Variants in ESRRG observed in about 807,000 individuals in gnomAD.
ESRRG encodes estrogen-related receptor gamma.
ESRRG carries 13 observed loss-of-function variants against 44.0 expected under a neutral mutation model. That is an observed-to-expected ratio of 0.30 (90% CI 0.19 to 0.47). The LOEUF (loss-of-function observed/expected upper bound fraction) is 0.47, where lower values mean the gene tolerates loss of function less well. ESRRG is among the 20% of genes least tolerant of loss of function. The pLI is 1.00. For synonymous variants in ESRRG, 215 were observed against 214.6 expected (o/e 1.00, Z -0.02); for missense variants, 395 against 580.6 (o/e 0.68, Z 3.29).
intron 5 of ESRRG, among the ~76,000 whole-genome samples, chr1:216,540,509 C>G (rs2052384455): frequency 6.6e-6 from 1 of 151,964 alleles, no homozygotes; most frequent in Admixed American, 6.6e-5. Context: ...AGCAACTTCT[C>G]TATATCAGTC....
intron 1 of ESRRG, among the ~76,000 whole-genome samples, chr1:217,131,316 T>G (rs1173732813): frequency 6.6e-6 from 1 of 150,964 alleles, no homozygotes; most frequent in Non-Finnish European, 1.5e-5. Flanking sequence ...TGACCAGGTT[T>G]ATTCCAAATA....
At chr1:216,728,508 G>A (rs181627779) in intron 2 of ESRRG, among the ~76,000 whole-genome samples, 21 of 151,968 alleles carry the variant, frequency 1.4e-4, no homozygotes, top group African/African-American at 4.8e-4. Context: ...GGAAGGTGGC[G>A]GGGGCGGGTA....
chr1:216,769,116 C>T (rs905963926), intron 2 of ESRRG, among the ~76,000 whole-genome samples: 1 of 151,818 alleles, frequency 6.6e-6, no homozygotes, highest in African/African-American at 2.4e-5. Flanking sequence ...CCTCAGAAGC[C>T]AGCTTAGGAT....
chr1:217,086,860 A>C (rs2092111202), intron 1 of ESRRG, among the ~76,000 whole-genome samples: 1 of 152,346 alleles, frequency 6.6e-6, no homozygotes, highest in Non-Finnish European at 1.5e-5. Context: ...TCTGTAAGGC[A>C]TACTTTAACC....
At chr1:216,585,972 G>A (rs949207226) in intron 3 of ESRRG, among the ~76,000 whole-genome samples, 4 of 151,972 alleles carry the variant, frequency 2.6e-5, no homozygotes, top group Non-Finnish European at 4.4e-5. Context: ...CCCGGGAGGC[G>A]GAGCTTGCAG....
chr1:216,593,605 C>T (rs532517903), intron 3 of ESRRG, among the ~76,000 whole-genome samples: 1 of 152,334 alleles, frequency 6.6e-6, no homozygotes, highest in Admixed American at 6.5e-5. Context: ...CTCTACACTT[C>T]TGTAAAGTTT....
chr1:216,761,393 A>G (rs2152342834), intron 2 of ESRRG, among the ~76,000 whole-genome samples: 1 of 152,270 alleles, frequency 6.6e-6, no homozygotes, highest in South Asian at 2.1e-4. Flanking sequence ...AATGGAAACC[A>G]GAAAACAAAG....
chr1:216,906,287 GT>G (rs2149530280), intron 2 of ESRRG, among the ~76,000 whole-genome samples: 1 of 152,192 alleles, frequency 6.6e-6, no homozygotes, highest in South Asian at 2.1e-4. Context: ...TAAAATCAAT[GT>G]GCTGCTGATA....
intron 2 of ESRRG, among the ~76,000 whole-genome samples, chr1:216,809,578 C>G (rs1045626040): frequency 7.2e-5 from 11 of 152,146 alleles, no homozygotes; most frequent in Admixed American, 2.0e-4. Context: ...GTTTAGAAAA[C>G]AAGGTATTTT....
chr1:216,575,761 T>C (rs1045448582), intron 3 of ESRRG, among the ~76,000 whole-genome samples: 3 of 152,074 alleles, frequency 2.0e-5, no homozygotes, highest in African/African-American at 4.8e-5. Context: ...GCATTTGGTA[T>C]ATATTCCAAA....
intron 1 of ESRRG, among the ~76,000 whole-genome samples, chr1:216,992,992 C>A (rs2075933825): frequency 6.6e-6 from 1 of 152,162 alleles, no homozygotes; most frequent in Non-Finnish European, 1.5e-5. Flanking sequence ...GTTTTATCAT[C>A]CACCCACTGA....
intron 1 of ESRRG, among the ~76,000 whole-genome samples, chr1:216,698,008 A>C (rs1334247904): frequency 6.6e-6 from 1 of 152,120 alleles, no homozygotes; most frequent in Non-Finnish European, 1.5e-5. Context: ...CACCCTAGAG[A>C]CTTAAGCCCC....
chr1:216,529,506 A>C (rs2048654394), intron 5 of ESRRG, among the ~76,000 whole-genome samples: 1 of 152,210 alleles, frequency 6.6e-6, no homozygotes, highest in Non-Finnish European at 1.5e-5. Context: ...TTATTACTAG[A>C]AAATGTCATT....
At chr1:216,902,049 A>G (rs1400937913) in intron 2 of ESRRG, among the ~76,000 whole-genome samples, 2 of 152,156 alleles carry the variant, frequency 1.3e-5, no homozygotes, top group African/African-American at 4.8e-5. Flanking sequence ...AGGCAAGTCA[A>G]TACTTCCTTT....
At chr1:216,601,016 C>G (rs1013215140) in intron 3 of ESRRG, among the ~76,000 whole-genome samples, 1 of 152,226 alleles carries the variant, frequency 6.6e-6, no homozygotes, top group African/African-American at 2.4e-5. Flanking sequence ...CTCCCCGGTT[C>G]TCTGCCTGGA....
chr1:216,913,949 G>T (rs551732796), intron 2 of ESRRG, among the ~76,000 whole-genome samples: 1 of 152,068 alleles, frequency 6.6e-6, no homozygotes, highest in Non-Finnish European at 1.5e-5. Flanking sequence ...AAATCAATGC[G>T]TTTTATTTCT....
chr1:217,045,908 T>C (rs568240759), intron 1 of ESRRG, among the ~76,000 whole-genome samples: 1 of 152,292 alleles, frequency 6.6e-6, no homozygotes, highest in African/African-American at 2.4e-5. Flanking sequence ...TTCTTTAGGA[T>C]TTTTTAAGTA....
chr1:216,915,666 A>G (rs1048166376), intron 2 of ESRRG, among the ~76,000 whole-genome samples: 175 of 152,338 alleles, frequency 1.1e-3, no homozygotes, highest in African/African-American at 3.8e-3. Flanking sequence ...GCAGATGCAC[A>G]GGATGCAAGG....
At chr1:216,663,769 GAAAT>G (rs2073166729) in intron 2 of ESRRG, among the ~76,000 whole-genome samples, 5 of 152,238 alleles carry the variant, frequency 3.3e-5, no homozygotes, top group Admixed American at 2.6e-4. Context: ...AAACAGGAGA[GAAAT>G]AAGCCTCTTT....
Sources: allele counts gnomAD v4.1 joint callset (sites outside exome capture counted in the v4.1 genomes callset), GRCh38; gene constraint gnomAD v4.1.1; transcripts MANE v1.5; gene names NCBI Gene and HGNC (gene_info 2026-07-23, HGNC 2026-07-21).